The following PRKG1 variants were observed in gnomAD, a reference collection of about 807,000 sequenced individuals.
PRKG1 encodes protein kinase cGMP-dependent 1.
In PRKG1, 35 loss-of-function variants were observed where a neutral mutation model predicts 88.1. That is an observed-to-expected ratio of 0.40 (90% CI 0.30 to 0.53). The LOEUF (loss-of-function observed/expected upper bound fraction) is 0.53, where lower values mean the gene tolerates loss of function less well. Among genes scored for constraint, PRKG1 ranks in the 20% least tolerant of loss-of-function variants. The pLI is 0.59. For synonymous variants in PRKG1, 303 were observed against 292.5 expected (o/e 1.04, Z -0.37); for missense variants, 540 against 839.8 (o/e 0.64, Z 4.41).
intron 5 of PRKG1, among the ~76,000 whole-genome samples, chr10:51,943,488 A>C (rs1221561696): frequency 1.3e-5 from 2 of 152,120 alleles, no homozygotes; most frequent in East Asian, 3.9e-4. Flanking sequence ...TTCCAACACT[A>C]TGTTGAATGG....
At chr10:51,878,938 TG>T (rs1841369412) in intron 4 of PRKG1, among the ~76,000 whole-genome samples, 1 of 152,194 alleles carries the variant, frequency 6.6e-6, no homozygotes, top group East Asian at 1.9e-4. Context: ...CAAATGGAAC[TG>T]GCATGTCTAA....
At chr10:52,226,958 C>T (rs1300898122) in intron 9 of PRKG1, among the ~76,000 whole-genome samples, 1 of 151,982 alleles carries the variant, frequency 6.6e-6, no homozygotes, top group African/African-American at 2.4e-5. Flanking sequence ...ATAGAAAATC[C>T]TAAATTGCAA....
At chr10:51,579,227 C>T (rs982657057) in intron 3 of PRKG1, among the ~76,000 whole-genome samples, 1 of 151,856 alleles carries the variant, frequency 6.6e-6, no homozygotes, top group Non-Finnish European at 1.5e-5. Context: ...AGTGATCTGC[C>T]CACCTTGGCC....
chr10:51,158,804 G>T (rs1846283436), intron 2 of PRKG1, among the ~76,000 whole-genome samples: 1 of 151,784 alleles, frequency 6.6e-6, no homozygotes, highest in African/African-American at 2.4e-5. Context: ...TTTCTCACAG[G>T]TTTCATTTTT....
chr10:52,111,373 C>T (rs1384838067), intron 7 of PRKG1, among the ~76,000 whole-genome samples: 1 of 152,158 alleles, frequency 6.6e-6, no homozygotes, highest in Non-Finnish European at 1.5e-5. Context: ...GCTCCATTGG[C>T]AATGTAATGA....
chr10:51,254,211 C>T (rs1214350023), intron 2 of PRKG1, among the ~76,000 whole-genome samples: 1 of 151,874 alleles, frequency 6.6e-6, no homozygotes, highest in Non-Finnish European at 1.5e-5. Context: ...GATTTACAAG[C>T]TTGTAAGTAT....
chr10:51,758,126 A>G (rs1260588393), intron 3 of PRKG1, among the ~76,000 whole-genome samples: 2 of 152,198 alleles, frequency 1.3e-5, no homozygotes, highest in Admixed American at 6.5e-5. Context: ...TGTAGGAAAC[A>G]GTCTAGAAAA....
At chr10:51,017,038 G>A (rs967171881) in intron 1 of PRKG1, among the ~76,000 whole-genome samples, 1 of 151,686 alleles carries the variant, frequency 6.6e-6, no homozygotes, top group African/African-American at 2.4e-5. Context: ...AGGTGCTATA[G>A]CATCTTGAGT....
At chr10:51,698,425 A>C in intron 3 of PRKG1, 1 of 1,613,722 alleles carries the variant, frequency 6.2e-7, no homozygotes, top group Non-Finnish European at 8.5e-7. Context: ...CATGTGAGGA[A>C]GGGCCACGAG....
At chr10:51,649,452 C>G (rs1379206606) in intron 3 of PRKG1, among the ~76,000 whole-genome samples, 1 of 151,992 alleles carries the variant, frequency 6.6e-6, no homozygotes, top group Non-Finnish European at 1.5e-5. Context: ...AAGGTGAACC[C>G]TTTAGTTGCT....
In PRKG1 at chr10:51,889,045, C is replaced by G. The variant is rs558356335; in HGVS notation, c.699-18462C>G. Among the ~76,000 whole-genome samples the G allele has an allele frequency of 6.4e-5, 9 of 140,964 alleles. No homozygotes were observed. In the South Asian group the frequency reaches 1.8e-3, roughly 29 times the overall value. The allele number at this position is 140,964 out of a possible 152,430, so 92.5% of individuals were successfully genotyped here. A position where few individuals can be genotyped will look rare whatever the true frequency, so the allele number is the denominator to read the frequency against. ...ACAGAGAGAGATTTGCAGAGCCCTC[C>G]ACTTAACACACATTCTTTTTTTTTT... On this transcript the variant is annotated intron_variant, in intron 4 of 17. Transcript: ENST00000373980.
At chr10:51,724,723 C>G (rs1327914912) in intron 3 of PRKG1, among the ~76,000 whole-genome samples, 1 of 152,048 alleles carries the variant, frequency 6.6e-6, no homozygotes, top group Non-Finnish European at 1.5e-5. Flanking sequence ...GAGACAAAGT[C>G]TCATTCTGTT....
chr10:51,500,469 A>G (rs61849794), intron 3 of PRKG1, among the ~76,000 whole-genome samples: 7,512 of 152,320 alleles, frequency 0.049, 302 homozygotes, highest in Middle Eastern at 0.12. Flanking sequence ...TTCAATAAAT[A>G]CAGTTTAGTT....
chr10:51,641,653 G>A (rs1839803812), intron 3 of PRKG1, among the ~76,000 whole-genome samples: 1 of 152,092 alleles, frequency 6.6e-6, no homozygotes, highest in Non-Finnish European at 1.5e-5. Flanking sequence ...TGCGGTTGTT[G>A]CCACTGAAAG....
intron 3 of PRKG1, among the ~76,000 whole-genome samples, chr10:51,652,857 T>G (rs901565253): frequency 2.0e-5 from 3 of 152,188 alleles, no homozygotes; most frequent in Non-Finnish European, 4.4e-5. Context: ...TTTGAGCCCT[T>G]TGATCAACAT....
At chr10:52,110,221 G>A (rs1015488280) in intron 7 of PRKG1, among the ~76,000 whole-genome samples, 1 of 151,748 alleles carries the variant, frequency 6.6e-6, no homozygotes, top group African/African-American at 2.4e-5. Context: ...GGTGGCGGGT[G>A]CCTGTAGTCC....
At chr10:51,481,279 A>G (rs1247475347) in intron 3 of PRKG1, among the ~76,000 whole-genome samples, 1 of 133,908 alleles carries the variant, frequency 7.5e-6, no homozygotes, top group East Asian at 2.2e-4. Flanking sequence ...TTTCTTTCTC[A>G]CTCTGTCACC....
intron 3 of PRKG1, among the ~76,000 whole-genome samples, chr10:51,670,836 G>A (rs1840555801): frequency 6.6e-6 from 1 of 151,680 alleles, no homozygotes; most frequent in African/African-American, 2.4e-5. Context: ...AACTTAATCA[G>A]TATTTTTATC....
At chr10:51,304,612 T>A (rs1422843796) in intron 2 of PRKG1, among the ~76,000 whole-genome samples, 1 of 148,986 alleles carries the variant, frequency 6.7e-6, no homozygotes, top group Non-Finnish European at 1.5e-5. Context: ...TAGGTATATC[T>A]CCTAATGCTA....
Sources: gnomAD v4.1 joint callset for allele counts (sites outside exome capture counted in the v4.1 genomes callset) on GRCh38, gnomAD v4.1.1 for gene constraint, MANE v1.5 for transcripts, NCBI Gene and HGNC (gene_info 2026-07-23, HGNC 2026-07-21) for gene names.